Variants in ERBB4 observed in about 807,000 individuals in gnomAD.
ERBB4 encodes the protein erb-b2 receptor tyrosine kinase 4.
A neutral mutation model predicts 158.0 loss-of-function variants in ERBB4; 42 were observed. The observed-to-expected ratio is 0.27, with a 90% CI of 0.21 to 0.34. The LOEUF (loss-of-function observed/expected upper bound fraction) is 0.34, where lower values mean the gene tolerates loss of function less well. ERBB4 is among the 10% of genes least tolerant of loss of function. ERBB4 has a pLI of 1.00. For synonymous variants in ERBB4, 583 were observed against 558.7 expected (o/e 1.04, Z -0.61); for missense variants, 1,333 against 1,624.1 (o/e 0.82, Z 3.08).
At chr2:212,387,466 C>CTT (rs368632174) in intron 1 of ERBB4, among the ~76,000 whole-genome samples, 2 of 146,206 alleles carry the variant, frequency 1.4e-5, no homozygotes, top group Non-Finnish European at 3.1e-5. Context: ...TTTTTTTTTT[C>CTT]TTTTTTTGAG....
chr2:212,084,156 A>C (rs2078532201), intron 2 of ERBB4, among the ~76,000 whole-genome samples: 1 of 151,980 alleles, frequency 6.6e-6, no homozygotes, highest in Non-Finnish European at 1.5e-5. Flanking sequence ...CATATAAGGA[A>C]AGATAAATAG....
At chr2:212,390,353 G>C (rs2090818912) in intron 1 of ERBB4, among the ~76,000 whole-genome samples, 1 of 151,542 alleles carries the variant, frequency 6.6e-6, no homozygotes, top group African/African-American at 2.4e-5. Context: ...TAAATATCAA[G>C]TTTTATTTAA....
intron 1 of ERBB4, among the ~76,000 whole-genome samples, chr2:212,323,680 A>G (rs2087676195): frequency 6.6e-6 from 1 of 150,692 alleles, no homozygotes; most frequent in Non-Finnish European, 1.5e-5. Flanking sequence ...AACAAAGTAT[A>G]AAAGTGCTTC....
At chr2:211,851,448 C>CA (rs1287179456) in intron 3 of ERBB4, among the ~76,000 whole-genome samples, 2 of 151,898 alleles carry the variant, frequency 1.3e-5, no homozygotes, top group Non-Finnish European at 2.9e-5. Flanking sequence ...ATCTCTGGGT[C>CA]AAAATGTTGT....
In ERBB4 at chr2:211,566,946, C is replaced by T. The variant is rs759952893; in HGVS notation, c.2302-4858G>A. On this transcript the variant is annotated intron_variant, in intron 19 of 27. Transcript: ENST00000342788. The stretch of plus-strand genomic sequence containing the variant: ...GAAGAAGATCTTAGGAGTCTCCATT[C>T]GTAGCAAGTACCCTTGTTAAAGGAA... 4.4e-4 allele frequency among the ~76,000 whole-genome samples: 67 copies of T among 152,218 alleles called. 1 individual carries two copies. Among genetic ancestry groups the T allele is most frequent in the Admixed American group, 9.2e-4 (14 of 15,280 alleles).
At chr2:212,426,291 A>T in intron 1 of ERBB4, 1 of 475,094 alleles carries the variant, frequency 2.1e-6, no homozygotes. Flanking sequence ...TGCAAAAGTA[A>T]TTACAGTTTT....
intron 20 of ERBB4, among the ~76,000 whole-genome samples, chr2:211,546,743 C>T (rs1052996896): frequency 2.6e-5 from 4 of 152,098 alleles, no homozygotes; most frequent in African/African-American, 9.7e-5. Context: ...ATTTTTTGTA[C>T]AAATCCATAG....
chr2:211,517,299 C>A (rs954694215), intron 20 of ERBB4, among the ~76,000 whole-genome samples: 1 of 152,044 alleles, frequency 6.6e-6, no homozygotes, highest in East Asian at 1.9e-4. Context: ...GATACCTTCT[C>A]ATTCAATTTT....
chr2:211,617,522 G>C (rs974017060), intron 19 of ERBB4, among the ~76,000 whole-genome samples: 3 of 152,070 alleles, frequency 2.0e-5, no homozygotes, highest in Non-Finnish European at 4.4e-5. Flanking sequence ...CTGTTATATA[G>C]ATGCCGGTAG....
At chr2:212,024,157 G>A (rs2125333886) in intron 2 of ERBB4, among the ~76,000 whole-genome samples, 1 of 151,804 alleles carries the variant, frequency 6.6e-6, no homozygotes, top group South Asian at 2.1e-4. Flanking sequence ...ATTTCAAACT[G>A]CTTAATCAAG....
intron 20 of ERBB4, among the ~76,000 whole-genome samples, chr2:211,478,182 G>C (rs891736113): frequency 3.3e-5 from 5 of 152,078 alleles, no homozygotes; most frequent in African/African-American, 1.2e-4. Context: ...ACTGAGCAAG[G>C]TATTAGGAAC....
chr2:211,948,516 C>T (rs2080773855), intron 2 of ERBB4, among the ~76,000 whole-genome samples: 1 of 150,042 alleles, frequency 6.7e-6, no homozygotes, highest in Non-Finnish European at 1.5e-5. Flanking sequence ...TTTTACTGCC[C>T]ACTGTTTAAA....
At chr2:211,803,067 T>C (rs2076536261) in intron 3 of ERBB4, among the ~76,000 whole-genome samples, 1 of 152,240 alleles carries the variant, frequency 6.6e-6, no homozygotes, top group South Asian at 2.1e-4. Context: ...TAGAAGTTCA[T>C]TTATTTACAC....
At chr2:212,096,967 A>T (rs2078950493) in intron 2 of ERBB4, among the ~76,000 whole-genome samples, 1 of 152,174 alleles carries the variant, frequency 6.6e-6, no homozygotes, top group Admixed American at 6.5e-5. Context: ...TATTAAGTTA[A>T]CGGCTAAGGA....
chr2:211,580,720 T>A (rs528102436), intron 19 of ERBB4, among the ~76,000 whole-genome samples: 1 of 145,094 alleles, frequency 6.9e-6, no homozygotes, highest in Admixed American at 7.1e-5. Context: ...AGCAGCACAA[T>A]TTGCAATTGC....
intron 1 of ERBB4, among the ~76,000 whole-genome samples, chr2:212,293,979 A>G (rs1010044782): frequency 2.6e-4 from 39 of 151,980 alleles, no homozygotes; most frequent in African/African-American, 9.2e-4. Context: ...TTTCTATACC[A>G]GTTCCCTTAG....
At chr2:212,246,874 A>G (rs1015403771) in intron 1 of ERBB4, among the ~76,000 whole-genome samples, 4 of 152,182 alleles carry the variant, frequency 2.6e-5, no homozygotes, top group Non-Finnish European at 2.9e-5. Context: ...CCCAGTATTT[A>G]CCATCTAAGT....
intron 20 of ERBB4, among the ~76,000 whole-genome samples, chr2:211,505,594 A>T (rs1241960021): frequency 6.6e-6 from 1 of 150,576 alleles, no homozygotes; most frequent in East Asian, 1.9e-4. Context: ...AAACAAACAA[A>T]CTATGACAGG....
At chr2:211,679,902 A>G (rs1016648110) in intron 12 of ERBB4, among the ~76,000 whole-genome samples, 7 of 151,944 alleles carry the variant, frequency 4.6e-5, no homozygotes, top group Admixed American at 4.6e-4. Context: ...CTGGTCTTAA[A>G]CTCCTGACCT....
Sources: gnomAD v4.1 joint callset for allele counts (sites outside exome capture counted in the v4.1 genomes callset) on GRCh38, gnomAD v4.1.1 for gene constraint, MANE v1.5 for transcripts, NCBI Gene and HGNC (gene_info 2026-07-23, HGNC 2026-07-21) for gene names.